Variants in SPHKAP observed in about 807,000 individuals in gnomAD.
SPHKAP encodes the protein SPHK1 interactor, AKAP domain containing.
A neutral mutation model predicts 137.5 loss-of-function variants in SPHKAP; 67 were observed. That is an observed-to-expected ratio of 0.49 (90% CI 0.40 to 0.60). The LOEUF is 0.60. Ranked by LOEUF, SPHKAP falls within the 20% of genes least tolerant of loss-of-function variation. The pLI is 0.00. For missense variants in SPHKAP, 2,097 were observed against 2,069.3 expected, an observed-to-expected ratio of 1.01 and a Z score of -0.26; for synonymous variants, 813 against 785.3, an observed-to-expected ratio of 1.04 and a Z score of -0.59.
intron 7 of SPHKAP, among the ~76,000 whole-genome samples, chr2:228,004,213 C>T (rs961562145): frequency 2.0e-4 from 30 of 152,060 alleles, no homozygotes; most frequent in African/African-American, 7.0e-4. Flanking sequence ...GGTTGGTAGG[C>T]TATTAATTAT....
At chr2:228,066,405 T>C (rs1347284637) in intron 3 of SPHKAP, among the ~76,000 whole-genome samples, 1 of 152,178 alleles carries the variant, frequency 6.6e-6, no homozygotes, top group Non-Finnish European at 1.5e-5. Flanking sequence ...CAGCCTTGTC[T>C]CTCTCTCCCT....
At chr2:228,053,711 A>G (rs1381125710) in intron 3 of SPHKAP, among the ~76,000 whole-genome samples, 4 of 152,190 alleles carry the variant, frequency 2.6e-5, no homozygotes, top group Non-Finnish European at 2.9e-5. Context: ...CTATTTTCAA[A>G]TTATTAGTTA....
intron 3 of SPHKAP, among the ~76,000 whole-genome samples, chr2:228,039,490 T>C (rs1044291288): frequency 1.3e-5 from 2 of 152,220 alleles, no homozygotes; most frequent in Non-Finnish European, 2.9e-5. Flanking sequence ...GTGATTACTC[T>C]TATTTATGAC....
intron 1 of SPHKAP, among the ~76,000 whole-genome samples, chr2:228,150,694 T>A (rs759016960): frequency 2.0e-5 from 3 of 151,964 alleles, no homozygotes; most frequent in Non-Finnish European, 4.4e-5. Flanking sequence ...ACCAGGCATT[T>A]GTCAATTTGA....
In SPHKAP at chr2:228,049,548, C is replaced by T. The variant is rs1215241229; in HGVS notation, c.247-22005G>A. The stretch of plus-strand genomic sequence containing the variant: ...ATTTCAGATTTAAGGAGTGCATGTG[C>T]ACCTGGGCTTACTGCATGACACTAA... On this transcript the variant is annotated intron_variant, in intron 3 of 11. Coordinates refer to ENST00000392056, the MANE Select transcript of SPHKAP (RefSeq NM_001142644.2). Among the ~76,000 whole-genome samples the T allele has an allele frequency of 4.0e-5, 4 of 100,110 alleles. No homozygotes were observed. In the Admixed American group the frequency reaches 4.3e-4, roughly 11 times the overall value. The allele number at this position is 100,110 out of a possible 152,430, so 65.7% of individuals were successfully genotyped here.
intron 1 of SPHKAP, among the ~76,000 whole-genome samples, chr2:228,141,026 T>C (rs1173784326): frequency 6.6e-6 from 1 of 152,200 alleles, no homozygotes; most frequent in Non-Finnish European, 1.5e-5. Context: ...GACAAGATTA[T>C]ATTGCTGCCA....
chr2:228,108,265 C>T (rs1698405073), intron 3 of SPHKAP, among the ~76,000 whole-genome samples: 1 of 152,182 alleles, frequency 6.6e-6, no homozygotes. Context: ...AATATCTAAT[C>T]ACATTCCAAG....
intron 1 of SPHKAP, among the ~76,000 whole-genome samples, chr2:228,164,359 T>G (rs1700360026): frequency 6.6e-6 from 1 of 152,204 alleles, no homozygotes; most frequent in Non-Finnish European, 1.5e-5. Context: ...TGTGGGCCTT[T>G]GCCTTGTGAT....
chr2:228,001,392 TAA>T (rs1196094185), intron 7 of SPHKAP, among the ~76,000 whole-genome samples: 2 of 142,788 alleles, frequency 1.4e-5, no homozygotes, highest in African/African-American at 5.1e-5. Context: ...TACACATATA[TAA>T]ATATATATAC....
intron 3 of SPHKAP, among the ~76,000 whole-genome samples, chr2:228,105,886 G>A (rs1449902789): frequency 1.3e-5 from 2 of 152,092 alleles, no homozygotes; most frequent in African/African-American, 4.8e-5. Flanking sequence ...CAAGTCTCGG[G>A]TATTTCTTTA....
At chr2:228,054,359 G>A (rs1218331280) in intron 3 of SPHKAP, among the ~76,000 whole-genome samples, 1 of 152,166 alleles carries the variant, frequency 6.6e-6, no homozygotes, top group South Asian at 2.1e-4. Context: ...GACAATGGAA[G>A]AGCAAAATTT....
rs139499722 is a variant in SPHKAP at position 228,113,603 on chromosome 2, ATCTCTCTCTC to A, written c.139-4674_139-4665del. Among the ~76,000 whole-genome samples the A allele has an allele frequency of 6.9e-3, 672 of 97,968 alleles. 6 individuals carry two copies. The highest frequency in any genetic ancestry group is 0.017 in the African/African-American group (468 of 28,320). The allele number at this position is 97,968 out of a possible 152,430, so 64.3% of individuals were successfully genotyped here. ...CAAATCCCAGTCTATGCATTTAGCC[ATCTCTCTCTC>A]TCTCTCTCTCTCTCTCTCTCTCTCT... On this transcript the variant is annotated intron_variant, in intron 2 of 11. Coordinates refer to ENST00000392056, the MANE Select transcript of SPHKAP (RefSeq NM_001142644.2).
chr2:228,074,012 T>G (rs770567339), intron 3 of SPHKAP, among the ~76,000 whole-genome samples: 41 of 152,152 alleles, frequency 2.7e-4, no homozygotes, highest in Non-Finnish European at 5.3e-4. Context: ...AACAATAAAT[T>G]GAAGCAGGTT....
At chr2:228,169,868 C>T (rs1700532279) in intron 1 of SPHKAP, 1 of 151,652 alleles carries the variant, frequency 6.6e-6, no homozygotes, top group Non-Finnish European at 1.5e-5. Flanking sequence ...AAAAAAATTA[C>T]AAGGGTATAG....
At chr2:228,074,389 T>C (rs1382665738) in intron 3 of SPHKAP, among the ~76,000 whole-genome samples, 1 of 152,146 alleles carries the variant, frequency 6.6e-6, no homozygotes, top group African/African-American at 2.4e-5. Context: ...CAGTTCCACA[T>C]GACTGGGGAG....
intron 7 of SPHKAP, among the ~76,000 whole-genome samples, chr2:228,001,039 C>T (rs769933111): frequency 8.5e-5 from 13 of 152,108 alleles, no homozygotes; most frequent in Non-Finnish European, 1.9e-4. Flanking sequence ...CACATCTTTG[C>T]CAGCATCTGG....
chr2:228,040,981 T>G (rs1021971532), intron 3 of SPHKAP, among the ~76,000 whole-genome samples: 2 of 152,164 alleles, frequency 1.3e-5, no homozygotes, highest in African/African-American at 4.8e-5. Context: ...AGAAGAAAAC[T>G]AAAGAATCAG....
chr2:228,011,716 G>A (rs1293645834), intron 7 of SPHKAP, among the ~76,000 whole-genome samples: 1 of 151,932 alleles, frequency 6.6e-6, no homozygotes, highest in Non-Finnish European at 1.5e-5. Context: ...TTTTTTAATT[G>A]ACAGTAATTG....
At chr2:227,994,114 C>T in intron 8 of SPHKAP, 4 of 982,614 alleles carry the variant, frequency 4.1e-6, no homozygotes, top group African/African-American at 1.7e-5. Flanking sequence ...CAGGGACATT[C>T]CATAGGATTT....
Sources: allele counts gnomAD v4.1 joint callset (sites outside exome capture counted in the v4.1 genomes callset), GRCh38; gene constraint gnomAD v4.1.1; transcripts MANE v1.5; gene names NCBI Gene and HGNC (gene_info 2026-07-23, HGNC 2026-07-21).